Variants in SDK2 observed in about 807,000 individuals in gnomAD.
SDK2 encodes sidekick cell adhesion molecule 2.
In SDK2, 105 loss-of-function variants were observed where a neutral mutation model predicts 253.9. That is an observed-to-expected ratio of 0.41 (90% confidence interval 0.35 to 0.49). The LOEUF (loss-of-function observed/expected upper bound fraction) is 0.49, where lower values mean the gene tolerates loss of function less well. SDK2 is among the 20% of genes least tolerant of loss of function. The pLI is 0.06. For synonymous variants in SDK2, 1,249 were observed against 1,234.9 expected (o/e 1.01, Z -0.24); for missense variants, 2,608 against 3,003.0 (o/e 0.87, Z 3.07).
At chr17:73,399,978 A>G (rs140711055) in intron 21 of SDK2, among the ~76,000 whole-genome samples, 1 of 152,230 alleles carries the variant, frequency 6.6e-6, no homozygotes, top group Non-Finnish European at 1.5e-5. Context: ...TAAATGAGTC[A>G]ACGTGAGCAA....
chr17:73,499,615 A>G lies in SDK2; in HGVS notation c.224+7823T>C, dbSNP rs147484626. 6.1e-3 allele frequency among the ~76,000 whole-genome samples: 925 copies of G among 152,344 alleles called. 10 individuals are homozygous for G. Among genetic ancestry groups the G allele is most frequent in the African/African-American group, 0.02 (845 of 41,584 alleles). On this transcript the variant is annotated intron_variant, in intron 2 of 44. Coordinates refer to ENST00000392650, the MANE Select transcript of SDK2 (RefSeq NM_001144952.2). ...GTGGGGCAGGGACAGAAGGAGCCCA[A>G]TGGGAAACCATGTGTGCCTTTGCAG... is the stretch of plus-strand genomic sequence containing the variant.
chr17:73,440,961 G>GA, intron 5 of SDK2, 38 bp from the exon 6 acceptor site: 1 of 1,436,460 alleles, frequency 7.0e-7, no homozygotes, highest in Non-Finnish European at 9.5e-7. Flanking sequence ...GGCGAGGCTG[G>GA]AAATCCTATC....
chr17:73,418,090 C>A (rs1035237082), intron 16 of SDK2, among the ~76,000 whole-genome samples: 1 of 150,428 alleles, frequency 6.6e-6, no homozygotes, highest in South Asian at 2.1e-4. Context: ...TCACTGCAAC[C>A]TCTGCCTCCT....
intron 1 of SDK2, chr17:73,518,052 T>C (rs1483647): frequency 0.44 from 67,193 of 151,590 alleles, 15,736 homozygotes; most frequent in African/African-American, 0.61. Context: ...TCCCTCATCT[T>C]CCTAGCCCCA....
intron 1 of SDK2, among the ~76,000 whole-genome samples, chr17:73,514,214 C>G (rs1208748578): frequency 6.6e-6 from 1 of 152,170 alleles, no homozygotes; most frequent in East Asian, 1.9e-4. Flanking sequence ...CCCGGACCAG[C>G]AGAGCCTGAG....
Position 73,390,289 on chromosome 17 carries a change from C to A in SDK2, c.4190G>T (p.Arg1397Ile). 1 of 1,575,856 alleles carries A rather than the reference C, an allele frequency of 6.3e-7. No homozygotes were observed. The highest frequency in any genetic ancestry group is 8.6e-7 in the Non-Finnish European group (1 of 1,164,576). Reference protein sequence around the residue: ...AEALVVTTEKRDRPQPPSRPM... With the variant: ...AEALVVTTEKIDRPQPPSRPM... ...CCCTGGCCCCCGTGGGCAGTCACCT[C>A]TCTTCTCGGTGGTCACCACCAAGGC... The change falls in exon 29 of 45, where the codon AGA (arginine) becomes ATA (isoleucine). Residue 1397 changes from arginine (R) to isoleucine (I), a missense_variant and splice_region_variant. By Grantham distance (97) the Arg-to-Ile change is moderately conservative. Transcript: ENST00000392650.
At chr17:73,491,864 G>C (rs2063808621) in intron 2 of SDK2, among the ~76,000 whole-genome samples, 1 of 152,238 alleles carries the variant, frequency 6.6e-6, no homozygotes, top group Admixed American at 6.5e-5. Context: ...TCTGGAAAAG[G>C]TGGTCGGTGT....
intron 1 of SDK2, among the ~76,000 whole-genome samples, chr17:73,628,212 G>A (rs776463568): frequency 4.3e-4 from 65 of 152,246 alleles, no homozygotes; most frequent in Non-Finnish European, 4.6e-4. Flanking sequence ...CTCCTCAGGA[G>A]CACAGAGAGG....
chr17:73,499,859 CTGTGTGTGTGTGTGTG>C (rs59872387), intron 2 of SDK2, among the ~76,000 whole-genome samples: 8,084 of 145,652 alleles, frequency 0.056, 244 homozygotes, highest in East Asian at 0.079. Context: ...GCATGGGAAT[CTGTGTGTGTGTGTGTG>C]TGTGTGTGTG....
rs749455647 is a variant in SDK2, at chr17:73,393,574, C to T, written c.3884G>A (p.Arg1295Gln). ...GSPSHPPILERTLDDVPGPPM... is the reference protein window; with the variant it reads ...GSPSHPPILEQTLDDVPGPPM... ...TACGGACTCACCATCATCCAGCGTC[C>T]GCTCCAGGATGGGAGGGTGGCTGGG... The change falls in exon 27 of 45, where the codon CGG (arginine) becomes CAG (glutamine). Residue 1295 changes from arginine (R) to glutamine (Q), a missense_variant. Around this residue, in one of 2 missense-constraint regions of SDK2, gnomAD observed 1,505 missense variants for 1,859.1 expected, o/e 0.81. Coordinates refer to ENST00000392650, the MANE Select transcript of SDK2 (RefSeq NM_001144952.2). 11 of 1,563,186 alleles carry T rather than the reference C, an allele frequency of 7.0e-6. 1 individual carries two copies. The South Asian group carries it at 7.1e-5, about 10-fold the overall frequency.
chr17:73,469,716 G>T (rs1390878339), intron 3 of SDK2, among the ~76,000 whole-genome samples: 2 of 152,142 alleles, frequency 1.3e-5, no homozygotes, highest in African/African-American at 4.8e-5. Flanking sequence ...GTTTGCCTAA[G>T]GAGGGGGATC....
intron 1 of SDK2, among the ~76,000 whole-genome samples, chr17:73,621,590 A>G (rs2046133414): frequency 6.6e-6 from 1 of 151,828 alleles, no homozygotes; most frequent in South Asian, 2.1e-4. Flanking sequence ...TTATATATAA[A>G]TATAACTTTT....
At chr17:73,399,795 C>T (rs1266014968) in intron 21 of SDK2, among the ~76,000 whole-genome samples, 3 of 152,122 alleles carry the variant, frequency 2.0e-5, no homozygotes, top group Non-Finnish European at 4.4e-5. Context: ...GCTCTTGGAG[C>T]TCAGGAACAA....
At position 73,383,929 on chromosome 17, in the gene SDK2, C is replaced by A. The variant is rs971769002; in HGVS notation, c.4652G>T (p.Gly1551Val). ...GTTGTTGATGCCTCGAAGCGTGAAGCCCCTCAGTCCTTCATAGAGCAGCTC... is the reference window on the plus strand; with the variant it reads ...GTTGTTGATGCCTCGAAGCGTGAAGACCCTCAGTCCTTCATAGAGCAGCTC... ...YRELLYEGLR[G>V]FTLRGINNPG... Residue 1551 changes from glycine to valine, a missense_variant, in exon 33 of 45, where the codon GGC becomes GTC. Physicochemically the swap from Gly to Val is moderately radical, Grantham distance 109. This residue lies in a region of SDK2 where 1,103 missense variants were observed against 1,143.9 expected (regional missense o/e 0.96). Coordinates refer to ENST00000392650, the MANE Select transcript of SDK2 (RefSeq NM_001144952.2). The surrounding 1 kb of genome is among the most constrained non-coding windows in gnomAD (Gnocchi z 4.3). The A allele has an allele frequency of 5.0e-6, 8 of 1,613,820 alleles. No individual in the cohort carries two copies. The highest frequency in any genetic ancestry group is 5.9e-6 in the Non-Finnish European group (7 of 1,179,884).
chr17:73,484,075 T>C (rs543470720), intron 2 of SDK2, among the ~76,000 whole-genome samples: 2 of 152,200 alleles, frequency 1.3e-5, no homozygotes, highest in African/African-American at 4.8e-5. Context: ...CAATTGTGCT[T>C]TAGAATTTCC....
At chr17:73,641,054 G>A (rs1028405200) in intron 1 of SDK2, 3 of 152,234 alleles carry the variant, frequency 2.0e-5, no homozygotes, top group Admixed American at 1.3e-4. Flanking sequence ...CAACTCCCTG[G>A]GAGCTAAGTG....
intron 1 of SDK2, among the ~76,000 whole-genome samples, chr17:73,564,051 G>A (rs1468063726): frequency 6.6e-6 from 1 of 152,072 alleles, no homozygotes; most frequent in Admixed American, 6.6e-5. Context: ...TGGAACTACA[G>A]GTATGAGCCG....
chr17:73,501,478 G>A (rs908936427), intron 2 of SDK2, among the ~76,000 whole-genome samples: 6 of 152,222 alleles, frequency 3.9e-5, no homozygotes, highest in African/African-American at 1.4e-4. Flanking sequence ...ATGAGAGAAA[G>A]GATCTCATTT....
chr17:73,641,021 G>A (rs1203790413), intron 1 of SDK2: 3 of 152,224 alleles, frequency 2.0e-5, no homozygotes, highest in African/African-American at 4.8e-5. Flanking sequence ...TCTGGGAGCG[G>A]AGCCCAAGAA....
Sources: allele counts gnomAD v4.1 joint callset (sites outside exome capture counted in the v4.1 genomes callset), GRCh38; gene constraint gnomAD v4.1.1; regional missense constraint gnomAD v4.1.1; non-coding constraint Gnocchi (gnomAD v3.1); transcripts MANE v1.5; gene names NCBI Gene and HGNC (gene_info 2026-07-23, HGNC 2026-07-21).